Variants in METTL23 observed in about 807,000 individuals in gnomAD.
The protein encoded by METTL23 is histone-arginine methyltransferase METTL23.
A neutral mutation model predicts 21.2 loss-of-function variants in METTL23; 24 were observed. That is an observed-to-expected ratio of 1.13 (90% CI 0.82 to 1.59). The LOEUF is 1.59. Among genes scored for constraint, METTL23 ranks in the 40% most tolerant of loss-of-function variants. The pLI, the probability that METTL23 is intolerant of heterozygous loss-of-function variation, is 0.00. For synonymous variants in METTL23, 97 were observed against 75.2 expected, an observed-to-expected ratio of 1.29 and a Z score of -1.50; for missense variants, 276 against 221.4, an observed-to-expected ratio of 1.25 and a Z score of -1.57.
At chr17:76,732,230 C>T (rs9890730) in intron 2 of METTL23, among the ~76,000 whole-genome samples, 8,176 of 148,166 alleles carry the variant, frequency 0.055, 719 homozygotes, top group African/African-American at 0.19. Context: ...TGGCTGGGCA[C>T]GGTGGCTCAT....
rs1340243038 is a variant in METTL23 at position 76,726,877 on chromosome 17, CGT to C, written c.-319_-318del. ...CCAGCCGCCCGTTGCCAGTTCTGCG[CGT>C]GTGAGTCTCTTTCGCCTTGCTCCGG... On this transcript the variant is annotated 5_prime_UTR_variant, in exon 1 of 5. Coordinates refer to ENST00000341249, the MANE Select transcript of METTL23 (RefSeq NM_001080510.5). 1.4e-5 allele frequency: 6 copies of C among 444,438 alleles called. No homozygotes were observed. The highest frequency in any genetic ancestry group is 3.1e-5 in the South Asian group (2 of 64,152). 27.5% of individuals were successfully genotyped at this position (444,438 alleles called of 1,614,324 possible).
chr17:76,726,102 T>C (rs925388106), upstream of METTL23, among the ~76,000 whole-genome samples: 1 of 152,108 alleles, frequency 6.6e-6, no homozygotes, highest in Non-Finnish European at 1.5e-5. Flanking sequence ...ACGGGCCTTC[T>C]AGTTGAGAGC....
chr17:76,733,243 T>TAAA, intron 3 of METTL23, 28 bp downstream of exon 3: 1 of 1,612,992 alleles, frequency 6.2e-7, no homozygotes, highest in Non-Finnish European at 8.5e-7. Context: ...AATAGTACAT[T>TAAA]TGGCCAGTGA....
intron 1 of METTL23, among the ~76,000 whole-genome samples, chr17:76,729,437 C>T (rs2077104119): frequency 6.6e-6 from 1 of 152,172 alleles, no homozygotes; most frequent in African/African-American, 2.4e-5. Flanking sequence ...AGGATATGTG[C>T]TCAGGGAGAG....
upstream of METTL23, chr17:76,726,360 G>A (rs1195202295): frequency 1.9e-6 from 3 of 1,589,424 alleles, no homozygotes; most frequent in South Asian, 2.3e-5. Context: ...CACGGCCGCC[G>A]GGCTCAGCGA....
chr17:76,726,247 C>G (rs2076929249), upstream of METTL23: 1 of 1,421,642 alleles, frequency 7.0e-7, no homozygotes, highest in Middle Eastern at 2.4e-4. Flanking sequence ...CTACGAGGTC[C>G]CGGGCGCTCG....
At position 76,726,996 on chromosome 17, in the gene METTL23, T is replaced by C. The variant is rs188858878; in HGVS notation, c.-204T>C. ...TGCTACGGCCACGTGGCCCGCGGCT[T>C]CCCGCTCGCGCAGTCTGGCAGCCCG... On this transcript the variant is annotated 5_prime_UTR_variant, in exon 1 of 5. Transcript: ENST00000341249. The C allele has an allele frequency of 1.1e-4, 50 of 456,408 alleles. No homozygotes were observed. Among genetic ancestry groups the C allele is most frequent in the African/African-American group, 7.8e-4 (39 of 50,210 alleles). The allele number at this position is 456,408 out of a possible 1,614,324, so 28.3% of individuals were successfully genotyped here.
At chr17:76,729,245 A>AT (rs2077097251) in intron 1 of METTL23, among the ~76,000 whole-genome samples, 2 of 149,778 alleles carry the variant, frequency 1.3e-5, no homozygotes, top group South Asian at 2.1e-4. Context: ...TGCCCGGCTA[A>AT]TTTTTTGTAT....
At chr17:76,732,863 A>G in intron 2 of METTL23, 115 bp from the exon 3 acceptor site, 1 of 825,808 alleles carries the variant, frequency 1.2e-6, no homozygotes, top group South Asian at 1.7e-5. Context: ...AAACCCAGAA[A>G]GACTGACTCT....
rs147326731 is a variant in METTL23 at position 76,732,004 on chromosome 17, G to A, written c.85-974G>A. ...TGGAAAATCTTTACTAGAAAGCCAT[G>A]TTGCAGACCTGTTAGGTTTTAGCTA... On this transcript the variant is annotated intron_variant, in intron 2 of 4. Coordinates refer to ENST00000341249, the MANE Select transcript of METTL23 (RefSeq NM_001080510.5). Among the ~76,000 whole-genome samples the A allele has an allele frequency of 1.0e-3, 158 of 152,338 alleles. 1 individual carries two copies. Among genetic ancestry groups the A allele is most frequent in the Middle Eastern group, 0.01 (3 of 294 alleles).
intron 1 of METTL23, among the ~76,000 whole-genome samples, chr17:76,728,534 C>A (rs1252451814): frequency 6.6e-6 from 1 of 151,928 alleles, no homozygotes; most frequent in Non-Finnish European, 1.5e-5. Flanking sequence ...CCTCAGCCTC[C>A]CAAGTAGCTG....
chr17:76,728,174 T>C (rs1284403215), intron 1 of METTL23, among the ~76,000 whole-genome samples: 1 of 150,260 alleles, frequency 6.7e-6, no homozygotes, highest in Non-Finnish European at 1.5e-5. Flanking sequence ...AGGTCGAGGC[T>C]GCTGTGAGCT....
chr17:76,728,324 C>T (rs898652654), intron 1 of METTL23, among the ~76,000 whole-genome samples: 2 of 151,956 alleles, frequency 1.3e-5, no homozygotes, highest in Non-Finnish European at 2.9e-5. Context: ...GCAACCTCAA[C>T]CTCTGGGCTC....
chr17:76,733,383 T>C lies in METTL23; in HGVS notation c.407+6T>C, dbSNP rs1373087430. On this transcript the variant is annotated splice_donor_region_variant and intron_variant, in intron 4 of 4. Transcript: ENST00000341249. ...TCTACTTATCAAGTTAGGAGGCAAG[T>C]ATGGATGACCCTTACTTTTTATATG... 2 of 1,613,378 alleles carry C rather than the reference T, an allele frequency of 1.2e-6. No homozygotes were observed. The highest frequency in any genetic ancestry group is 1.7e-6 in the Non-Finnish European group (2 of 1,179,484).
At position 76,732,982 on chromosome 17, in the gene METTL23, G is replaced by T; in HGVS notation, c.89G>T (p.Gly30Val). 6.4e-7 allele frequency: 1 copy of T among 1,568,820 alleles called. No individual in the cohort carries two copies. Among genetic ancestry groups the T allele is most frequent in the Non-Finnish European group, 8.7e-7 (1 of 1,155,434 alleles). ...CCATCTTTCATAACTTATTAGATTG[G>T]AGCTGGAGTGAGCCTTCCAGGAATT... ...SLPGKAILEI[G>V]AGVSLPGILA... The change falls in exon 3 of 5, where the codon GGA becomes GTA. Residue 30 changes from glycine (G) to valine (V), a missense_variant. Physicochemically the swap from Gly to Val is moderately radical, Grantham distance 109. Coordinates refer to ENST00000341249, the MANE Select transcript of METTL23 (RefSeq NM_001080510.5).
At chr17:76,728,173 C>T (rs1248604488) in intron 1 of METTL23, among the ~76,000 whole-genome samples, 1 of 150,794 alleles carries the variant, frequency 6.6e-6, no homozygotes, top group Non-Finnish European at 1.5e-5. Flanking sequence ...GAGGTCGAGG[C>T]TGCTGTGAGC....
At chr17:76,731,235 A>G (rs550764183) in intron 2 of METTL23, among the ~76,000 whole-genome samples, 64 of 152,350 alleles carry the variant, frequency 4.2e-4, no homozygotes, top group South Asian at 2.1e-3. Context: ...AGATTGTGCC[A>G]CTGCACTCCA....
In METTL23 at chr17:76,729,748, AC is replaced by A; in HGVS notation, c.40del (p.Leu14PhefsTer14). On this transcript the variant is annotated frameshift_variant, in exon 2 of 5. Coordinates refer to ENST00000341249, the MANE Select transcript of METTL23 (RefSeq NM_001080510.5). LOFTEE classifies it high-confidence loss of function. ...VWPCAVVLAQ[Y>X]LWFHRRSLPG... ...CCCTGTGCTGTGGTCCTGGCCCAGTACCTTTGGTTTCACAGAAGATCTCTGC... is the reference window on the plus strand; with the variant it reads ...CCCTGTGCTGTGGTCCTGGCCCAGTACTTTGGTTTCACAGAAGATCTCTGC... 6.2e-7 allele frequency: 1 copy of A among 1,600,310 alleles called. No individual in the cohort carries two copies. The highest frequency in any genetic ancestry group is 8.5e-7 in the Non-Finnish European group (1 of 1,172,304).
intron 1 of METTL23, chr17:76,727,489 T>G (rs2076994622): frequency 5.8e-6 from 1 of 173,088 alleles, no homozygotes; most frequent in East Asian, 1.7e-4. Context: ...CATGAGCCAC[T>G]GCGCCGGGCC....
Sources: allele counts gnomAD v4.1 joint callset (sites outside exome capture counted in the v4.1 genomes callset), GRCh38; gene constraint gnomAD v4.1.1; transcripts MANE v1.5; gene names NCBI Gene and HGNC (gene_info 2026-07-23, HGNC 2026-07-21).